CHST15: variants seen among roughly 807,000 people sequenced by gnomAD.
CHST15 encodes B cell RAG associated protein (GALNAC4S-6ST).
Under a neutral mutation model 53.6 loss-of-function variants are expected in CHST15, and 30 were observed. The ratio of observed to expected loss-of-function variants is 0.56; its 90% CI spans 0.42 to 0.76. The LOEUF (loss-of-function observed/expected upper bound fraction) is 0.76, where lower values mean the gene tolerates loss of function less well. Ranked by LOEUF, CHST15 falls within the 30% of genes least tolerant of loss-of-function variation. The pLI is 0.00. For missense variants in CHST15, 627 were observed against 740.5 expected, an observed-to-expected ratio of 0.85 and a Z score of 1.78; for synonymous variants, 296 against 289.8, an observed-to-expected ratio of 1.02 and a Z score of -0.22.
chr10:124,055,086 T>C (rs1176170072), intron 1 of CHST15, among the ~76,000 whole-genome samples: 3 of 152,138 alleles, frequency 2.0e-5, no homozygotes, highest in African/African-American at 7.2e-5. Flanking sequence ...CCACTGCCGT[T>C]ACACATCCCA....
Position 124,008,052 on chromosome 10 carries a change from G to T in CHST15, c.*2097C>A. ...TGAGTGGCACAGAAGGGATGGGACT[G>T]CATATATAAAAAAGATCCGCATAAT... On this transcript the variant is annotated 3_prime_UTR_variant, in exon 8 of 8. Coordinates refer to ENST00000435907, the MANE Select transcript of CHST15 (RefSeq NM_001270764.2). 8.1e-7 allele frequency: 1 copy of T among 1,232,062 alleles called. No homozygotes were observed. The highest frequency in any genetic ancestry group is 1.0e-6 in the Non-Finnish European group (1 of 987,960). 76.3% of individuals were successfully genotyped at this position (1,232,062 alleles called of 1,614,324 possible). A position where few individuals can be genotyped will look rare whatever the true frequency, so the allele number is the denominator to read the frequency against.
chr10:124,013,818 CCTAT>C (rs1169471841), intron 6 of CHST15, among the ~76,000 whole-genome samples: 3 of 152,196 alleles, frequency 2.0e-5, no homozygotes, highest in Non-Finnish European at 4.4e-5. Context: ...CCCTGCTCTG[CCTAT>C]CTGTGTCTGC....
chr10:124,060,083 G>A (rs1948508497), intron 1 of CHST15, among the ~76,000 whole-genome samples: 1 of 152,154 alleles, frequency 6.6e-6, no homozygotes, highest in Admixed American at 6.5e-5. Context: ...AGGGACCTCA[G>A]GAGTGTGCAG....
chr10:124,042,307 T>C lies in CHST15; in HGVS notation c.1027A>G (p.Ile343Val). 1.2e-6 allele frequency: 2 copies of C among 1,610,926 alleles called. No individual in the cohort carries two copies. The highest frequency in any genetic ancestry group is 1.7e-6 in the Non-Finnish European group (2 of 1,177,316). Residue 343 changes from isoleucine to valine, a missense_variant, in exon 4 of 8, where the codon ATT becomes GTT. This residue lies in a region of CHST15 where 279 missense variants were observed against 371.6 expected (regional missense o/e 0.75). Transcript: ENST00000435907. Reference sequence around the variant, plus strand: ...AGTGACACAGACGCCTTACCGATAATGATTGTATTCATCTTGCTCTGCTCC... The same window carrying C: ...AGTGACACAGACGCCTTACCGATAACGATTGTATTCATCTTGCTCTGCTCC... ...AKEQSKMNTI[I>V]IGEASASTMW...
At chr10:124,014,916 T>C (rs1196845787) in intron 6 of CHST15, among the ~76,000 whole-genome samples, 1 of 152,062 alleles carries the variant, frequency 6.6e-6, no homozygotes, top group Non-Finnish European at 1.5e-5. Flanking sequence ...CGCAGCATGG[T>C]CCTCCTCAGC....
intron 1 of CHST15, among the ~76,000 whole-genome samples, chr10:124,056,580 G>A (rs1331939221): frequency 6.6e-6 from 1 of 152,208 alleles, no homozygotes; most frequent in Non-Finnish European, 1.5e-5. Context: ...GGCGGGCAGG[G>A]GCAGGGGAGG....
chr10:124,053,949 G>C (rs1307463862), intron 1 of CHST15, among the ~76,000 whole-genome samples: 1 of 151,922 alleles, frequency 6.6e-6, no homozygotes, highest in East Asian at 1.9e-4. Flanking sequence ...AAAGAAACTC[G>C]GAAGGGAGCT....
intron 7 of CHST15, chr10:124,010,923 G>T: frequency 1.0e-6 from 1 of 985,460 alleles, no homozygotes; most frequent in Non-Finnish European, 1.2e-6. Context: ...AGGAGATCAG[G>T]GAGAAGAGGC....
chr10:124,008,500 G>C lies in CHST15; in HGVS notation c.*1649C>G. On this transcript the variant is annotated 3_prime_UTR_variant, in exon 8 of 8. Transcript: ENST00000435907. ...GAAGGTGGGGACTGTCCCTGCAAGT[G>C]GGAGTTCAGGACACACGCTCCTTCA... 1 of 992,720 alleles carries C rather than the reference G, an allele frequency of 1.0e-6. No individual in the cohort carries two copies. Among genetic ancestry groups the C allele is most frequent in the Non-Finnish European group, 1.2e-6 (1 of 833,868 alleles). 61.5% of individuals were successfully genotyped at this position (992,720 alleles called of 1,614,324 possible).
At chr10:124,042,822 G>A (rs533696781) in intron 3 of CHST15, among the ~76,000 whole-genome samples, 5 of 152,288 alleles carry the variant, frequency 3.3e-5, no homozygotes, top group African/African-American at 1.2e-4. Flanking sequence ...ATGACACCCA[G>A]GATGCATGTG....
chr10:124,026,934 T>A (rs1169907209), intron 5 of CHST15, among the ~76,000 whole-genome samples: 5 of 152,068 alleles, frequency 3.3e-5, no homozygotes, highest in Non-Finnish European at 7.4e-5. Flanking sequence ...AGGAGCAGCC[T>A]AGGCTGGAGG....
At position 124,021,403 on chromosome 10, in the gene CHST15, T is replaced by C; in HGVS notation, c.1200A>G (p.Ser400=). The stretch of plus-strand genomic sequence containing the variant: ...TCGAACTTGCAAAGTAGAGATAGTC[T>C]GAGTACAACCTGTGAATAAAATAAA... ...MLRDPVERLY[S]DYLYFASSNK... is the part of the protein sequence containing the mutation. Residue 400 remains serine, a synonymous_variant, in exon 6 of 8, where the codon TCA becomes TCG. Transcript: ENST00000435907. 1 of 1,612,274 alleles carries C rather than the reference T, an allele frequency of 6.2e-7. No individual in the cohort carries two copies. The highest frequency in any genetic ancestry group is 2.2e-5 in the East Asian group (1 of 44,848).
chr10:124,057,019 GC>G (rs879550654), intron 1 of CHST15, among the ~76,000 whole-genome samples: 3 of 152,232 alleles, frequency 2.0e-5, no homozygotes, highest in Admixed American at 6.5e-5. Context: ...CCAGGTGGTG[GC>G]TTCCATGATA....
At chr10:124,085,509 C>T (rs1949390928) in intron 1 of CHST15, among the ~76,000 whole-genome samples, 1 of 152,214 alleles carries the variant, frequency 6.6e-6, no homozygotes, top group Non-Finnish European at 1.5e-5. Context: ...TCAGTGTTCA[C>T]ATAAAACCTC....
intron 5 of CHST15, among the ~76,000 whole-genome samples, chr10:124,033,555 C>T (rs548271588): frequency 2.0e-5 from 3 of 152,190 alleles, no homozygotes; most frequent in Non-Finnish European, 4.4e-5. Flanking sequence ...ATGGCAATGA[C>T]GATGGGATTT....
chr10:124,091,651 C>G (rs556830857), intron 1 of CHST15, among the ~76,000 whole-genome samples: 1 of 152,392 alleles, frequency 6.6e-6, no homozygotes, highest in African/African-American at 2.4e-5. Context: ...CATCCCGGAG[C>G]CACACTTCAT....
At chr10:124,052,790 C>A (rs933117262) in intron 1 of CHST15, among the ~76,000 whole-genome samples, 1 of 152,184 alleles carries the variant, frequency 6.6e-6, no homozygotes, top group African/African-American at 2.4e-5. Context: ...AATCCTAGCA[C>A]TTTGGGAGTC....
chr10:124,009,120 A>C lies in CHST15; in HGVS notation c.*1029T>G. ...AATAAACTATTTCCAATGGGAAGGCAGAGAAATGGAGCCTGTAGCCGGCCA... is the reference window on the plus strand; with the variant it reads ...AATAAACTATTTCCAATGGGAAGGCCGAGAAATGGAGCCTGTAGCCGGCCA... On this transcript the variant is annotated 3_prime_UTR_variant, in exon 8 of 8. Coordinates refer to ENST00000435907, the MANE Select transcript of CHST15 (RefSeq NM_001270764.2). The C allele has an allele frequency of 1.6e-6, 2 of 1,252,260 alleles. No individual in the cohort carries two copies. Among genetic ancestry groups the C allele is most frequent in the Non-Finnish European group, 2.1e-6 (2 of 962,364 alleles). 77.6% of individuals were successfully genotyped at this position (1,252,260 alleles called of 1,614,324 possible). A position where few individuals can be genotyped will look rare whatever the true frequency, so the allele number is the denominator to read the frequency against.
intron 5 of CHST15, among the ~76,000 whole-genome samples, chr10:124,023,113 T>G (rs57921861): frequency 6.6e-6 from 1 of 152,034 alleles, no homozygotes; most frequent in Non-Finnish European, 1.5e-5. Context: ...TCGGAGTCTC[T>G]CTCCTCTACT....
Sources: gnomAD v4.1 joint callset for allele counts (sites outside exome capture counted in the v4.1 genomes callset) on GRCh38, gnomAD v4.1.1 for gene constraint, gnomAD v4.1.1 regional missense constraint, MANE v1.5 for transcripts, NCBI Gene and HGNC (gene_info 2026-07-23, HGNC 2026-07-21) for gene names.